Variants in KDM6A observed in about 807,000 individuals in gnomAD.
KDM6A encodes the protein lysine-specific demethylase 6A.
A neutral mutation model predicts 117.6 loss-of-function variants in KDM6A; 11 were observed. The observed-to-expected ratio is 0.09, with a 90% CI of 0.06 to 0.15. KDM6A has a LOEUF of 0.15. Among genes scored for constraint, KDM6A ranks in the 10% least tolerant of loss-of-function variants. KDM6A has a pLI of 1.00. For missense variants in KDM6A, 799 were observed against 1,077.3 expected, an observed-to-expected ratio of 0.74 and a Z score of 3.62; for synonymous variants, 384 against 396.1, an observed-to-expected ratio of 0.97 and a Z score of 0.36.
In KDM6A at chrX:44,910,279, C is replaced by T. The variant is rs774151231; in HGVS notation, c.225+36292C>T. Among the ~76,000 whole-genome samples, 4 of 111,398 alleles carry T rather than the reference C, an allele frequency of 3.6e-5. No homozygotes were observed. The East Asian group carries it at 1.1e-3, about 32-fold the overall frequency. On this transcript the variant is annotated intron_variant, in intron 2 of 29. Transcript: ENST00000611820. ...TTGGTTCACTGCAACCTGCGCCTCC[C>T]GGGTTCAAGCAATTCTCCTGCCTCA... is the stretch of plus-strand genomic sequence containing the variant.
chrX:44,977,516 G>A (rs1349793627), intron 4 of KDM6A, among the ~76,000 whole-genome samples: 2 of 111,097 alleles, frequency 1.8e-5, no homozygotes, highest in South Asian at 3.8e-4. Flanking sequence ...CTCCCACCTC[G>A]GCCTCCCAAA....
At chrX:45,051,229 C>T (rs886290367) in intron 8 of KDM6A, among the ~76,000 whole-genome samples, 1 of 111,036 alleles carries the variant, frequency 9.0e-6, no homozygotes, top group Non-Finnish European at 1.9e-5. Flanking sequence ...AGGCTGGTCT[C>T]GAACTCTTGA....
intron 2 of KDM6A, among the ~76,000 whole-genome samples, chrX:44,884,296 A>C (rs1458308572): frequency 1.8e-5 from 2 of 110,123 alleles, no homozygotes; most frequent in Non-Finnish European, 3.8e-5. Context: ...GAACTCTCTA[A>C]TCAGGTGAAG....
intron 2 of KDM6A, among the ~76,000 whole-genome samples, chrX:44,934,385 GTTCT>G (rs1339684767): frequency 8.9e-6 from 1 of 111,768 alleles, no homozygotes; most frequent in Admixed American, 9.5e-5. Context: ...TGAAATTACT[GTTCT>G]TTGTCTTCTG....
intron 6 of KDM6A, among the ~76,000 whole-genome samples, chrX:45,026,455 C>T (rs975613786): frequency 9.0e-6 from 1 of 111,321 alleles, no homozygotes; most frequent in Non-Finnish European, 1.9e-5. Context: ...TTTTAGAAAC[C>T]GCTTTTGAAA....
rs57547852 is a variant in KDM6A, at chrX:45,105,352, T to C, written c.4035-2058T>C. 7.5e-3 allele frequency among the ~76,000 whole-genome samples: 843 copies of C among 112,027 alleles called. 14 individuals are homozygous for C. The highest frequency in any genetic ancestry group is 0.026 in the African/African-American group (808 of 30,850). ...CTTACTTGGCATAATGTATATGAAATAGCAAATACATGGCCCCTGTCTGGT... is the reference window on the plus strand; with the variant it reads ...CTTACTTGGCATAATGTATATGAAACAGCAAATACATGGCCCCTGTCTGGT... On this transcript the variant is annotated intron_variant, in intron 27 of 29. Transcript: ENST00000611820.
chrX:45,101,256 A>G lies in KDM6A; in HGVS notation c.4035-6154A>G, dbSNP rs764358757. ...GAACTGCGGACAGATTGCTAAACCT[A>G]TTAGTCTTTATTTCCTCTTCTGAAA... On this transcript the variant is annotated intron_variant, in intron 27 of 29. Coordinates refer to ENST00000611820, the MANE Select transcript of KDM6A (RefSeq NM_001291415.2). 1.1e-4 allele frequency among the ~76,000 whole-genome samples: 12 copies of G among 111,425 alleles called. No individual in the cohort carries two copies. In the South Asian group the frequency reaches 4.5e-3, roughly 42 times the overall value.
At chrX:45,000,700 C>A (rs776246479) in intron 4 of KDM6A, among the ~76,000 whole-genome samples, 1 of 112,819 alleles carries the variant, frequency 8.9e-6, no homozygotes, top group Non-Finnish European at 1.9e-5. Context: ...TGTTGGGAGA[C>A]GGAAGTTGGA....
At chrX:44,883,616 C>T (rs772309746) in intron 2 of KDM6A, among the ~76,000 whole-genome samples, 34 of 110,229 alleles carry the variant, frequency 3.1e-4, no homozygotes, top group Non-Finnish European at 5.1e-4. Context: ...TCAAGTGATC[C>T]TCCCGTCTTT....
At chrX:45,088,445 CAG>C (rs1345894498) in intron 25 of KDM6A, among the ~76,000 whole-genome samples, 1 of 113,347 alleles carries the variant, frequency 8.8e-6, no homozygotes, top group African/African-American at 3.2e-5. Flanking sequence ...AGCACAGACA[CAG>C]AGATAGTACG....
chrX:45,104,592 A>G (rs1345984600), intron 27 of KDM6A, among the ~76,000 whole-genome samples: 2 of 111,506 alleles, frequency 1.8e-5, no homozygotes, highest in Non-Finnish European at 3.8e-5. Flanking sequence ...ATTGAATCAC[A>G]TTCTTTCTTT....
At chrX:45,087,271 G>A (rs900432250) in intron 25 of KDM6A, among the ~76,000 whole-genome samples, 1 of 113,252 alleles carries the variant, frequency 8.8e-6, no homozygotes, top group African/African-American at 3.2e-5. Flanking sequence ...TTACAGGCGT[G>A]AGCCACCACG....
chrX:44,961,253 T>C (rs1467281674), intron 2 of KDM6A, 31 bp from the exon 3 acceptor site: 2 of 1,043,595 alleles, frequency 1.9e-6, no homozygotes, highest in East Asian at 6.1e-5. Flanking sequence ...CTTTATTTTT[T>C]GCTTACATAT....
At chrX:45,049,437 A>G (rs955349118) in intron 8 of KDM6A, among the ~76,000 whole-genome samples, 1 of 111,916 alleles carries the variant, frequency 8.9e-6, no homozygotes, top group Non-Finnish European at 1.9e-5. Flanking sequence ...TTCTTCTCTT[A>G]ACTTTATACT....
chrX:45,063,838 CT>C, intron 17 of KDM6A, 21 bp downstream of exon 17: 1 of 1,167,564 alleles, frequency 8.6e-7, no homozygotes, highest in Non-Finnish European at 1.2e-6. Flanking sequence ...GACTAGCTTC[CT>C]TGTTGGCTTT....
At position 45,049,085 on chromosome X, in the gene KDM6A, A is replaced by G. The variant is rs777874582; in HGVS notation, c.655-2624A>G. On this transcript the variant is annotated intron_variant, in intron 8 of 29. Transcript: ENST00000611820. ...TCCAAGAGTAAGATTGCTAGATTGTAGCATATTTGTATTCCTAATTTTTTG... is the reference window on the plus strand; with the variant it reads ...TCCAAGAGTAAGATTGCTAGATTGTGGCATATTTGTATTCCTAATTTTTTG... Among the ~76,000 whole-genome samples the G allele has an allele frequency of 2.3e-4, 26 of 111,404 alleles. No individual in the cohort carries two copies. The South Asian group carries it at 2.6e-3, about 11-fold the overall frequency.
At chrX:45,013,712 T>C (rs774404676) in intron 5 of KDM6A, among the ~76,000 whole-genome samples, 30 of 112,215 alleles carry the variant, frequency 2.7e-4, no homozygotes, top group Non-Finnish European at 4.7e-4. Flanking sequence ...CCTAAAATGA[T>C]ACATCTCACA....
At chrX:45,000,379 A>G (rs772050895) in intron 4 of KDM6A, among the ~76,000 whole-genome samples, 7 of 112,116 alleles carry the variant, frequency 6.2e-5, no homozygotes, top group African/African-American at 9.7e-5. Context: ...CGAAAGACCC[A>G]TAAGGGGCTT....
chrX:44,940,712 G>A lies in KDM6A; in HGVS notation c.226-20572G>A, dbSNP rs190450699. ...AATCATTGTACAAAAATGCTTTAAA[G>A]TTCCCATTCTGTTACACAGCTTATT... On this transcript the variant is annotated intron_variant, in intron 2 of 29. Transcript: ENST00000611820. 1.1e-4 allele frequency among the ~76,000 whole-genome samples: 12 copies of A among 111,884 alleles called. No individual in the cohort carries two copies. In the East Asian group the frequency reaches 3.4e-3, roughly 31 times the overall value.
Sources: allele counts gnomAD v4.1 joint callset (sites outside exome capture counted in the v4.1 genomes callset), GRCh38; gene constraint gnomAD v4.1.1; transcripts MANE v1.5; gene names NCBI Gene and HGNC (gene_info 2026-07-23, HGNC 2026-07-21).